ALK: variants seen among roughly 807,000 people sequenced by gnomAD.
ALK encodes ALK receptor tyrosine kinase, also known as ALK tyrosine kinase receptor.
Under a neutral mutation model 163.1 loss-of-function variants are expected in ALK, and 74 were observed. The ratio of observed to expected loss-of-function variants is 0.45; its 90% CI spans 0.38 to 0.55. The LOEUF (loss-of-function observed/expected upper bound fraction) is 0.55. Ranked by LOEUF, ALK falls within the 20% of genes least tolerant of loss-of-function variation. The pLI, the probability that ALK is intolerant of heterozygous loss-of-function variation, is 0.00. For missense variants in ALK, 2,063 were observed against 2,105.3 expected, an observed-to-expected ratio of 0.98 and a Z score of 0.39; for synonymous variants, 960 against 843.2, an observed-to-expected ratio of 1.14 and a Z score of -2.40.
At chr2:29,577,710 G>C (rs754285340) in intron 3 of ALK, among the ~76,000 whole-genome samples, 10 of 152,188 alleles carry the variant, frequency 6.6e-5, no homozygotes, top group Non-Finnish European at 1.2e-4. Context: ...CCACATCTTT[G>C]TCTCCCAGAT....
At chr2:29,697,965 C>A (rs1361794541) in intron 2 of ALK, among the ~76,000 whole-genome samples, 1 of 152,184 alleles carries the variant, frequency 6.6e-6, no homozygotes, top group African/African-American at 2.4e-5. Flanking sequence ...TTAACACTAA[C>A]CAAACTATTC....
intron 2 of ALK, among the ~76,000 whole-genome samples, chr2:29,695,647 G>A (rs1678533711): frequency 6.6e-6 from 1 of 152,002 alleles, no homozygotes; most frequent in Admixed American, 6.6e-5. Flanking sequence ...AATCTACAAA[G>A]AGCTTAAACA....
intron 3 of ALK, among the ~76,000 whole-genome samples, chr2:29,674,426 A>G (rs1409218562): frequency 2.0e-5 from 3 of 150,906 alleles, no homozygotes; most frequent in African/African-American, 7.3e-5. Context: ...GCATCTATTG[A>G]GATAATCATG....
chr2:29,701,104 G>A (rs1384236885), intron 2 of ALK, among the ~76,000 whole-genome samples: 1 of 152,220 alleles, frequency 6.6e-6, no homozygotes, highest in African/African-American at 2.4e-5. Context: ...GGAATAGGGA[G>A]CTTGGTGCAT....
chr2:29,611,480 G>A (rs560880935), intron 3 of ALK, among the ~76,000 whole-genome samples: 59 of 152,290 alleles, frequency 3.9e-4, no homozygotes, highest in African/African-American at 1.3e-3. Context: ...CTGGCTTTCC[G>A]TGTGCTTGTT....
chr2:29,778,664 C>G (rs1681246485), intron 1 of ALK, among the ~76,000 whole-genome samples: 1 of 152,162 alleles, frequency 6.6e-6, no homozygotes, highest in South Asian at 2.1e-4. Context: ...CACCCTCATT[C>G]CTATGGCAGC....
intron 5 of ALK, among the ~76,000 whole-genome samples, chr2:29,346,392 A>G (rs1249712382): frequency 6.6e-6 from 1 of 152,208 alleles, no homozygotes; most frequent in African/African-American, 2.4e-5. Flanking sequence ...TCCCTACAGC[A>G]TCCTGCAGAA....
chr2:29,403,513 CA>C (rs1325358103), intron 4 of ALK, among the ~76,000 whole-genome samples: 2 of 151,966 alleles, frequency 1.3e-5, no homozygotes, highest in African/African-American at 4.8e-5. Context: ...CCAAAGGTTC[CA>C]AAATCACTTC....
intron 1 of ALK, among the ~76,000 whole-genome samples, chr2:29,800,179 G>C (rs1664432987): frequency 6.6e-6 from 1 of 152,250 alleles, no homozygotes; most frequent in Non-Finnish European, 1.5e-5. Context: ...CAATGCCTGA[G>C]AGGAGGCTGA....
intron 11 of ALK, among the ~76,000 whole-genome samples, chr2:29,266,080 A>G (rs934825372): frequency 3.3e-5 from 5 of 152,268 alleles, no homozygotes; most frequent in African/African-American, 1.2e-4. Flanking sequence ...AATTTTCGTG[A>G]ACAAGGTTTT....
chr2:29,894,225 G>A (rs993080970), intron 1 of ALK, among the ~76,000 whole-genome samples: 12 of 152,122 alleles, frequency 7.9e-5, no homozygotes, highest in Admixed American at 4.6e-4. Flanking sequence ...CCTGGCTCAT[G>A]GTAGCCCCCA....
rs528345759 is a variant in ALK, at chr2:29,421,684, G to A, written c.1155-37825C>T. ...TGTGACTCCCAGCTCACTGTCTCAC[G>A]TTCAGCCTGTCTGCGTCCTGTATCT... On this transcript the variant is annotated intron_variant, in intron 4 of 28. Coordinates refer to ENST00000389048, the MANE Select transcript of ALK (RefSeq NM_004304.5). Among the ~76,000 whole-genome samples, 126 of 151,584 alleles carry A rather than the reference G, an allele frequency of 8.3e-4. 6 individuals carry two copies. Among genetic ancestry groups the A allele is most frequent in the African/African-American group, 3.0e-3 (122 of 40,894 alleles).
intron 11 of ALK, among the ~76,000 whole-genome samples, chr2:29,273,444 G>A (rs543893690): frequency 7.2e-5 from 11 of 152,322 alleles, no homozygotes; most frequent in East Asian, 3.9e-4. Flanking sequence ...GGGAGTCATC[G>A]CCACGTGTGA....
chr2:29,265,375 C>T (rs928361022), intron 11 of ALK, among the ~76,000 whole-genome samples: 1 of 152,124 alleles, frequency 6.6e-6, no homozygotes, highest in Admixed American at 6.5e-5. Flanking sequence ...GTGGCCACTC[C>T]CCTAATCCCA....
chr2:29,667,314 C>A (rs1162504988), intron 3 of ALK, among the ~76,000 whole-genome samples: 1 of 152,022 alleles, frequency 6.6e-6, no homozygotes, highest in African/African-American at 2.4e-5. Flanking sequence ...ATTTATTTCT[C>A]TGAATAAATT....
At chr2:29,909,480 C>CAGAGAGAGAGAGAGAGAGAGAG (rs369360033) in intron 1 of ALK, among the ~76,000 whole-genome samples, 2 of 135,980 alleles carry the variant, frequency 1.5e-5, no homozygotes, top group East Asian at 2.3e-4. Flanking sequence ...GACAGACAGA[C>CAGAGAGAGAGAGAGAGAGAGAG]AGAGAGAGAG....
chr2:29,391,679 C>T (rs1216151450), intron 4 of ALK, among the ~76,000 whole-genome samples: 5 of 152,050 alleles, frequency 3.3e-5, no homozygotes, highest in African/African-American at 4.8e-5. Context: ...TCCCTGTCTC[C>T]CTCCTCTCTT....
chr2:29,378,901 TG>T (rs1261044248), intron 5 of ALK, among the ~76,000 whole-genome samples: 2 of 152,046 alleles, frequency 1.3e-5, no homozygotes, highest in African/African-American at 4.8e-5. Flanking sequence ...TCAGTAAAGA[TG>T]GGGTTTCGCG....
chr2:29,892,500 T>C (rs1312496743), intron 1 of ALK: 1 of 152,224 alleles, frequency 6.6e-6, no homozygotes, highest in Non-Finnish European at 1.5e-5. Context: ...TCCCCTCTAA[T>C]AATTGCTTCT....
Sources: gnomAD v4.1 joint callset for allele counts (sites outside exome capture counted in the v4.1 genomes callset) on GRCh38, gnomAD v4.1.1 for gene constraint, MANE v1.5 for transcripts, NCBI Gene and HGNC (gene_info 2026-07-23, HGNC 2026-07-21) for gene names.